The following CAMK1D variants were observed in gnomAD, a reference collection of about 807,000 sequenced individuals.
CAMK1D encodes the protein calcium/calmodulin dependent protein kinase ID, also known as calcium/calmodulin-dependent protein kinase type 1D.
In CAMK1D, 9 loss-of-function variants were observed where a neutral mutation model predicts 47.7. That is an observed-to-expected ratio of 0.19 (90% CI 0.11 to 0.33). CAMK1D has a LOEUF of 0.33. CAMK1D is among the 10% of genes least tolerant of loss of function. The pLI is 1.00. For missense variants in CAMK1D, 291 were observed against 488.7 expected (o/e 0.60, Z 3.81); for synonymous variants, 184 against 184.9 (o/e 0.99, Z 0.04).
At chr10:12,355,473 TGTGCGCGCGC>T (rs1170037097) in intron 1 of CAMK1D, among the ~76,000 whole-genome samples, 2 of 151,760 alleles carry the variant, frequency 1.3e-5, no homozygotes, top group African/African-American at 4.8e-5. Context: ...TGTGTGTGTG[TGTGCGCGCGC>T]GTGCGTGTGT....
At chr10:12,806,884 G>A (rs1054236460) in intron 6 of CAMK1D, among the ~76,000 whole-genome samples, 5 of 152,054 alleles carry the variant, frequency 3.3e-5, no homozygotes, top group Admixed American at 1.3e-4. Context: ...TGGGGACTTT[G>A]GGGCTGTGGC....
chr10:12,816,377 G>A (rs189038634), intron 8 of CAMK1D, 49 bp downstream of exon 8: 2 of 1,465,188 alleles, frequency 1.4e-6, no homozygotes, highest in South Asian at 1.2e-5. Flanking sequence ...ATGCCATCTG[G>A]GGGGGGCACG....
At chr10:12,557,395 C>CA (rs1046001733) in intron 2 of CAMK1D, among the ~76,000 whole-genome samples, 1 of 151,372 alleles carries the variant, frequency 6.6e-6, no homozygotes, top group African/African-American at 2.4e-5. Context: ...TAAAAATACA[C>CA]AAAAAAATTG....
intron 3 of CAMK1D, among the ~76,000 whole-genome samples, chr10:12,747,822 A>G (rs1485906856): frequency 6.6e-6 from 1 of 152,174 alleles, no homozygotes; most frequent in African/African-American, 2.4e-5. Flanking sequence ...CCAATGTCCC[A>G]GCTTTAAAGC....
At chr10:12,681,834 G>A (rs1832450424) in intron 3 of CAMK1D, among the ~76,000 whole-genome samples, 1 of 152,134 alleles carries the variant, frequency 6.6e-6, no homozygotes, top group Non-Finnish European at 1.5e-5. Flanking sequence ...GAAGTTTGTA[G>A]CAAATAGTAA....
chr10:12,666,979 C>T, intron 3 of CAMK1D, 169 bp downstream of exon 3: 1 of 608,218 alleles, frequency 1.6e-6, no homozygotes, highest in Non-Finnish European at 2.9e-6. Flanking sequence ...CGGTGGGCTG[C>T]ACACAGGCGT....
At chr10:12,583,842 G>A (rs972089287) in intron 2 of CAMK1D, among the ~76,000 whole-genome samples, 1 of 151,948 alleles carries the variant, frequency 6.6e-6, no homozygotes, top group African/African-American at 2.4e-5. Context: ...CTCGTGATCC[G>A]CCTGCCTCTG....
intron 1 of CAMK1D, among the ~76,000 whole-genome samples, chr10:12,523,422 G>A (rs1425521326): frequency 1.3e-5 from 2 of 152,196 alleles, no homozygotes; most frequent in East Asian, 1.9e-4. Context: ...GTAGCCAGCC[G>A]AGATCAGGCC....
intron 5 of CAMK1D, among the ~76,000 whole-genome samples, chr10:12,777,714 G>C (rs1337451170): frequency 6.6e-6 from 1 of 152,180 alleles, no homozygotes; most frequent in Non-Finnish European, 1.5e-5. Flanking sequence ...CCTGTGGTCA[G>C]AGGAATGGCA....
At chr10:12,544,812 GAGTGGATAGTACTAGTGTTA>G (rs773137249) in intron 1 of CAMK1D, among the ~76,000 whole-genome samples, 17,569 of 146,914 alleles carry the variant, frequency 0.12, 1,258 homozygotes, top group South Asian at 0.19. Flanking sequence ...TACTAGTGTT[GAGTGGATAGTACTAGTGTTA>G]AGTGGATAGT....
At chr10:12,540,961 TTTAGC>T (rs1288540225) in intron 1 of CAMK1D, among the ~76,000 whole-genome samples, 2 of 152,072 alleles carry the variant, frequency 1.3e-5, no homozygotes, top group African/African-American at 4.8e-5. Context: ...TTTCGATACT[TTTAGC>T]TTAAGCGTTA....
At chr10:12,507,776 C>T (rs1226993661) in intron 1 of CAMK1D, among the ~76,000 whole-genome samples, 1 of 152,196 alleles carries the variant, frequency 6.6e-6, no homozygotes, top group Non-Finnish European at 1.5e-5. Flanking sequence ...CGTGTTAATT[C>T]CTTGCCGTCT....
At chr10:12,534,118 T>C (rs1835892489) in intron 1 of CAMK1D, among the ~76,000 whole-genome samples, 1 of 152,254 alleles carries the variant, frequency 6.6e-6, no homozygotes, top group Non-Finnish European at 1.5e-5. Flanking sequence ...AACAGGCCAA[T>C]GTTAGCTCTT....
intron 2 of CAMK1D, among the ~76,000 whole-genome samples, chr10:12,634,044 A>G (rs1340668065): frequency 1.3e-5 from 2 of 152,146 alleles, no homozygotes; most frequent in Non-Finnish European, 2.9e-5. Context: ...GTCCTCTCTC[A>G]GCGGCTCCTG....
intron 2 of CAMK1D, among the ~76,000 whole-genome samples, chr10:12,588,787 TATACACAC>T (rs1449765817): frequency 6.0e-5 from 9 of 149,722 alleles, no homozygotes; most frequent in Admixed American, 5.3e-4. Context: ...TGTATATATA[TATACACAC>T]ACACACACAC....
intron 2 of CAMK1D, among the ~76,000 whole-genome samples, chr10:12,662,993 C>T (rs1840320783): frequency 6.6e-6 from 1 of 152,138 alleles, no homozygotes; most frequent in Non-Finnish European, 1.5e-5. Flanking sequence ...CAGAGTTTTG[C>T]TCTGGTTGCC....
intron 6 of CAMK1D, among the ~76,000 whole-genome samples, chr10:12,796,113 A>C (rs538439259): frequency 4.6e-5 from 7 of 152,198 alleles, no homozygotes; most frequent in African/African-American, 1.7e-4. Flanking sequence ...TTAAATGATT[A>C]TTTAACGATC....
At chr10:12,525,051 A>G (rs796497348) in intron 1 of CAMK1D, among the ~76,000 whole-genome samples, 5 of 152,030 alleles carry the variant, frequency 3.3e-5, no homozygotes, top group East Asian at 1.9e-4. Context: ...ATTTTTTTCC[A>G]TTGTCTTCTG....
At chr10:12,461,987 T>C (rs1223342060) in intron 1 of CAMK1D, among the ~76,000 whole-genome samples, 1 of 62,312 alleles carries the variant, frequency 1.6e-5, no homozygotes, top group East Asian at 2.2e-3. Context: ...ACCCAGCGCT[T>C]CTTACGTCTT....
Sources: gnomAD v4.1 joint callset for allele counts (sites outside exome capture counted in the v4.1 genomes callset) on GRCh38, gnomAD v4.1.1 for gene constraint, MANE v1.5 for transcripts, NCBI Gene and HGNC (gene_info 2026-07-23, HGNC 2026-07-21) for gene names.